Variants in MAML3 observed in about 807,000 individuals in gnomAD.
The protein encoded by MAML3 is mastermind like transcriptional coactivator 3, also known as mastermind-like protein 3.
In MAML3, 27 loss-of-function variants were observed where a neutral mutation model predicts 101.9. That is an observed-to-expected ratio of 0.27 (90% CI 0.20 to 0.37). The LOEUF (loss-of-function observed/expected upper bound fraction) is 0.37, where lower values mean the gene tolerates loss of function less well. Ranked by LOEUF, MAML3 falls within the 10% of genes least tolerant of loss-of-function variation. MAML3 has a pLI of 1.00. For synonymous variants in MAML3, 501 were observed against 555.9 expected (o/e 0.90, Z 1.39); for missense variants, 1,316 against 1,444.9 (o/e 0.91, Z 1.45).
intron 1 of MAML3, among the ~76,000 whole-genome samples, chr4:140,067,829 G>A (rs2110947702): frequency 6.6e-6 from 1 of 151,396 alleles, no homozygotes; most frequent in East Asian, 1.9e-4. Context: ...CGCCTTCCAG[G>A]TTCCAGCAAT....
At chr4:139,917,014 A>G (rs772967020) in intron 1 of MAML3, among the ~76,000 whole-genome samples, 2 of 152,236 alleles carry the variant, frequency 1.3e-5, no homozygotes, top group Non-Finnish European at 2.9e-5. Context: ...CTGGAGGTTT[A>G]CATAAAAATG....
intron 1 of MAML3, among the ~76,000 whole-genome samples, chr4:139,960,129 A>G (rs1284851363): frequency 2.6e-5 from 4 of 152,134 alleles, no homozygotes; most frequent in Non-Finnish European, 5.9e-5. Context: ...GAAGGTATGG[A>G]GCTGGGTTTT....
chr4:140,103,970 G>A (rs908433393), intron 1 of MAML3, among the ~76,000 whole-genome samples: 1 of 152,034 alleles, frequency 6.6e-6, no homozygotes. Flanking sequence ...CTATTGTTCA[G>A]GAAATGACTC....
At chr4:139,868,050 G>T (rs1008855913) in intron 2 of MAML3, among the ~76,000 whole-genome samples, 5 of 152,220 alleles carry the variant, frequency 3.3e-5, no homozygotes, top group Admixed American at 1.3e-4. Context: ...TGTACCTAGG[G>T]TTGTGTTAGG....
intron 1 of MAML3, among the ~76,000 whole-genome samples, chr4:140,013,154 T>A (rs1167648582): frequency 6.6e-6 from 1 of 152,184 alleles, no homozygotes; most frequent in Non-Finnish European, 1.5e-5. Context: ...AGAAAACCAT[T>A]CTTTCCTTTA....
chr4:139,722,718 C>T (rs895633993), intron 4 of MAML3, among the ~76,000 whole-genome samples: 1 of 152,170 alleles, frequency 6.6e-6, no homozygotes, highest in African/African-American at 2.4e-5. Flanking sequence ...GAAAGACAGT[C>T]ATTAAGACCT....
chr4:139,862,449 A>C (rs11100314), intron 2 of MAML3, among the ~76,000 whole-genome samples: 1 of 152,034 alleles, frequency 6.6e-6, no homozygotes, highest in Admixed American at 6.6e-5. Context: ...CATCCAGCTC[A>C]CTGTCTCGGA....
chr4:140,127,529 G>A (rs939343011), intron 1 of MAML3, among the ~76,000 whole-genome samples: 10 of 152,142 alleles, frequency 6.6e-5, no homozygotes, highest in Non-Finnish European at 1.0e-4. Context: ...GCAAAAGCTC[G>A]ACTCTTCCAT....
intron 1 of MAML3, among the ~76,000 whole-genome samples, chr4:140,125,671 TG>T (rs1241533185): frequency 6.6e-6 from 1 of 152,168 alleles, no homozygotes; most frequent in Non-Finnish European, 1.5e-5. Flanking sequence ...TAGCCCAGGC[TG>T]GTCTCAAACT....
chr4:139,724,261 T>C (rs1728377615), intron 4 of MAML3, among the ~76,000 whole-genome samples: 1 of 152,226 alleles, frequency 6.6e-6, no homozygotes. Flanking sequence ...TGTCAGTAAA[T>C]ATCAATGGCT....
Position 139,861,477 on chromosome 4 carries a change from A to ATGTGTGTGTGTGTGTGTGTGTG in MAML3, c.2079+27858_2079+27879dup, listed in dbSNP as rs55851938. ...AGATGTATGAATGTCTAACCAGCCG[A>ATGTGTGTGTGTGTGTGTGTGTG]TGTGTGTGTGTGTGTGTGTGTGTGT... On this transcript the variant is annotated intron_variant, in intron 2 of 4. Transcript: ENST00000509479. Among the ~76,000 whole-genome samples the ATGTGTGTGTGTGTGTGTGTGTG allele has an allele frequency of 1.8e-3, 270 of 146,484 alleles. 1 individual carries two copies. The highest frequency in any genetic ancestry group is 6.6e-3 in the African/African-American group (260 of 39,212).
intron 1 of MAML3, among the ~76,000 whole-genome samples, chr4:140,122,737 A>C (rs1445002116): frequency 2.1e-5 from 3 of 142,570 alleles, no homozygotes; most frequent in Admixed American, 7.4e-5. Flanking sequence ...GCTTGCAGTG[A>C]GCTGAGATCC....
chr4:140,049,410 G>C (rs1727232110), intron 1 of MAML3, among the ~76,000 whole-genome samples: 3 of 152,122 alleles, frequency 2.0e-5, no homozygotes, highest in African/African-American at 7.2e-5. Flanking sequence ...CTCTCACTTA[G>C]CAACAGCGAG....
chr4:139,947,972 A>G (rs1733761323), intron 1 of MAML3, among the ~76,000 whole-genome samples: 2 of 151,998 alleles, frequency 1.3e-5, no homozygotes, highest in South Asian at 4.2e-4. Context: ...GTGGGGGCGC[A>G]TGCCTGTAAT....
chr4:139,827,160 G>A (rs1731075345), intron 2 of MAML3, among the ~76,000 whole-genome samples: 1 of 152,058 alleles, frequency 6.6e-6, no homozygotes, highest in Non-Finnish European at 1.5e-5. Context: ...AAAGTGAGGT[G>A]AAATCAGAAC....
At chr4:139,840,293 G>A (rs186578664) in intron 2 of MAML3, among the ~76,000 whole-genome samples, 1 of 152,354 alleles carries the variant, frequency 6.6e-6, no homozygotes, top group African/African-American at 2.4e-5. Context: ...CCACAGAGCA[G>A]TTGGTAAATT....
intron 4 of MAML3, 109 bp from the exon 5 acceptor site, chr4:139,720,432 G>GA: frequency 1.1e-5 from 10 of 886,838 alleles, no homozygotes; most frequent in African/African-American, 1.7e-5. Flanking sequence ...TATATGAAAG[G>GA]ATCTACTCTG....
intron 1 of MAML3, among the ~76,000 whole-genome samples, chr4:140,069,381 A>G (rs372546524): frequency 0.02 from 1,953 of 99,344 alleles, 94 homozygotes; most frequent in Middle Eastern, 0.034. Context: ...GAAGAAGAAG[A>G]AGAAGGAGGA....
chr4:140,061,096 C>G (rs1474468006), intron 1 of MAML3, among the ~76,000 whole-genome samples: 1 of 152,180 alleles, frequency 6.6e-6, no homozygotes, highest in East Asian at 1.9e-4. Context: ...TACGTGGTCC[C>G]CACAAGCAGA....
Sources: allele counts gnomAD v4.1 joint callset (sites outside exome capture counted in the v4.1 genomes callset), GRCh38; gene constraint gnomAD v4.1.1; transcripts MANE v1.5; gene names NCBI Gene and HGNC (gene_info 2026-07-23, HGNC 2026-07-21).